Variants in AMBRA1 observed in about 807,000 individuals in gnomAD.
The protein encoded by AMBRA1 is autophagy and beclin 1 regulator 1, also known as activating molecule in BECN1-regulated autophagy protein 1.
In AMBRA1, 47 loss-of-function variants were observed where a neutral mutation model predicts 125.4. The observed-to-expected ratio is 0.37, with a 90% CI of 0.30 to 0.48. The LOEUF (loss-of-function observed/expected upper bound fraction) is 0.48. AMBRA1 is among the 20% of genes least tolerant of loss of function. The pLI is 0.99. For synonymous variants in AMBRA1, 626 were observed against 655.5 expected (o/e 0.95, Z 0.69); for missense variants, 1,331 against 1,693.4 (o/e 0.79, Z 3.76).
chr11:46,428,799 T>A lies in AMBRA1; in HGVS notation c.2976+4675A>T, dbSNP rs546322406. The A allele has an allele frequency of 2.4e-4, 388 of 1,611,302 alleles. 6 individuals are homozygous for A. In the East Asian group the frequency reaches 8.5e-3, roughly 35 times the overall value. ...GTATCTCTGTCAGCTTCCCCTCTTG[T>A]GAGTCTCGCAGGTCGCTCACCCTCC... On this transcript the variant is annotated intron_variant, in intron 14 of 17. Transcript: ENST00000683756.
chr11:46,584,138 GA>G (rs1435423946), intron 1 of AMBRA1, among the ~76,000 whole-genome samples: 1 of 136,712 alleles, frequency 7.3e-6, no homozygotes, highest in African/African-American at 2.8e-5. Context: ...GTCCAACAAT[GA>G]TAGACTGGAT....
chr11:46,577,860 G>C (rs906873146), intron 1 of AMBRA1, among the ~76,000 whole-genome samples: 1 of 152,062 alleles, frequency 6.6e-6, no homozygotes, highest in Non-Finnish European at 1.5e-5. Flanking sequence ...TGAGGCAGGA[G>C]AATCACTTGA....
At chr11:46,463,107 C>G (rs1025352674) in intron 11 of AMBRA1, among the ~76,000 whole-genome samples, 1 of 152,174 alleles carries the variant, frequency 6.6e-6, no homozygotes, top group Non-Finnish European at 1.5e-5. Context: ...TGATTATGAT[C>G]TCCTCTTCAG....
intron 7 of AMBRA1, chr11:46,518,120 G>A (rs1951586162): frequency 1.0e-6 from 1 of 984,832 alleles, no homozygotes; most frequent in African/African-American, 1.7e-5. Context: ...GAAAGAGATA[G>A]CCATTTGTTT....
intron 14 of AMBRA1, among the ~76,000 whole-genome samples, chr11:46,425,058 C>T (rs1289092172): frequency 2.6e-5 from 4 of 152,078 alleles, no homozygotes; most frequent in African/African-American, 7.2e-5. Flanking sequence ...TGCTTGAACC[C>T]GGGCGGCAGA....
At chr11:46,453,933 C>T (rs974002682) in intron 11 of AMBRA1, among the ~76,000 whole-genome samples, 2 of 152,130 alleles carry the variant, frequency 1.3e-5, no homozygotes, top group Admixed American at 1.3e-4. Context: ...TCAATGGTTA[C>T]GTGTCTTATT....
At chr11:46,402,842 C>A (rs1271088984) in intron 17 of AMBRA1, among the ~76,000 whole-genome samples, 1 of 152,144 alleles carries the variant, frequency 6.6e-6, no homozygotes, top group Non-Finnish European at 1.5e-5. Context: ...CAAATGGCTC[C>A]CCCAGGGCTC....
intron 1 of AMBRA1, among the ~76,000 whole-genome samples, chr11:46,592,043 T>G (rs558677945): frequency 6.7e-6 from 1 of 150,126 alleles, no homozygotes; most frequent in Admixed American, 6.6e-5. Flanking sequence ...CCTCCCGAGT[T>G]CAAGTGATTC....
intron 12 of AMBRA1, among the ~76,000 whole-genome samples, chr11:46,441,747 GAGC>G (rs1358077378): frequency 6.6e-6 from 1 of 152,066 alleles, no homozygotes; most frequent in African/African-American, 2.4e-5. Flanking sequence ...AAGGAAAGAG[GAGC>G]AGAACTGTCA....
At chr11:46,543,865 A>G in intron 6 of AMBRA1, 110 bp downstream of exon 6, 1 of 896,996 alleles carries the variant, frequency 1.1e-6, no homozygotes. Flanking sequence ...TTGACTGGAA[A>G]GATAAGACTT....
intron 7 of AMBRA1, among the ~76,000 whole-genome samples, chr11:46,532,730 C>T (rs1177189296): frequency 3.3e-5 from 5 of 152,150 alleles, no homozygotes; most frequent in Admixed American, 6.5e-5. Flanking sequence ...CCACAGTGCC[C>T]GGCCTTAAGA....
At chr11:46,499,351 G>T (rs73467920) in intron 9 of AMBRA1, among the ~76,000 whole-genome samples, 1,781 of 152,126 alleles carry the variant, frequency 0.012, 43 homozygotes, top group African/African-American at 0.041. Context: ...CAATCCAGAC[G>T]TGTTCCATTT....
intron 12 of AMBRA1, among the ~76,000 whole-genome samples, 169 bp downstream of exon 12, chr11:46,443,319 T>C (rs1462612625): frequency 6.6e-6 from 1 of 152,214 alleles, no homozygotes; most frequent in Admixed American, 6.5e-5. Flanking sequence ...ATGGTTGATA[T>C]CTGGTTAATG....
chr11:46,544,143 T>A, intron 5 of AMBRA1, 102 bp from the exon 6 acceptor site: 2 of 881,540 alleles, frequency 2.3e-6, no homozygotes, highest in Non-Finnish European at 3.7e-6. Context: ...TACTGATAAC[T>A]GGTATCACTC....
At chr11:46,530,025 A>C (rs1952143697) in intron 7 of AMBRA1, among the ~76,000 whole-genome samples, 1 of 152,152 alleles carries the variant, frequency 6.6e-6, no homozygotes, top group East Asian at 1.9e-4. Context: ...AATAAGCAAA[A>C]TATGTTATGC....
intron 1 of AMBRA1, among the ~76,000 whole-genome samples, chr11:46,583,023 A>C (rs2044231203): frequency 6.6e-6 from 1 of 152,178 alleles, no homozygotes; most frequent in Admixed American, 6.5e-5. Context: ...AACATTTATC[A>C]AATGAATGAC....
chr11:46,518,150 C>T lies in AMBRA1; in HGVS notation c.2073-5337G>A, dbSNP rs555675720. 7.5e-5 allele frequency: 74 copies of T among 983,068 alleles called. No individual in the cohort carries two copies. The African/African-American group carries it at 1.3e-3, about 17-fold the overall frequency. 60.9% of individuals were successfully genotyped at this position (983,068 alleles called of 1,614,324 possible). ...TTGTTTTCAGAAGAATTACTCACGG[C>T]CAGGCGCGGTGGCTCACGCCTGTAA... is the stretch of plus-strand genomic sequence containing the variant. On this transcript the variant is annotated intron_variant, in intron 7 of 17. Transcript: ENST00000683756.
intron 14 of AMBRA1, among the ~76,000 whole-genome samples, chr11:46,423,874 CT>C (rs1306963670): frequency 6.6e-6 from 1 of 151,074 alleles, no homozygotes; most frequent in Non-Finnish European, 1.5e-5. Flanking sequence ...AGCGATTCTC[CT>C]GACTCAGCCT....
intron 7 of AMBRA1, among the ~76,000 whole-genome samples, chr11:46,520,017 T>C (rs1044258354): frequency 4.6e-5 from 7 of 151,790 alleles, no homozygotes; most frequent in Non-Finnish European, 7.4e-5. Flanking sequence ...CGCATGCCTG[T>C]AATCCCAGCT....
Sources: gnomAD v4.1 joint callset for allele counts (sites outside exome capture counted in the v4.1 genomes callset) on GRCh38, gnomAD v4.1.1 for gene constraint, MANE v1.5 for transcripts, NCBI Gene and HGNC (gene_info 2026-07-23, HGNC 2026-07-21) for gene names.